The following ASCC3 variants were observed in gnomAD, a reference collection of about 807,000 sequenced individuals.
ASCC3 encodes activating signal cointegrator 1 complex subunit 3, also known as ASC-1 complex subunit P200.
A neutral mutation model predicts 256.3 loss-of-function variants in ASCC3; 158 were observed. That is an observed-to-expected ratio of 0.62 (90% confidence interval 0.54 to 0.70). ASCC3 has a LOEUF of 0.70. ASCC3 is among the 30% of genes least tolerant of loss of function. The pLI is 0.00. For synonymous variants in ASCC3, 948 were observed against 883.4 expected (o/e 1.07, Z -1.30); for missense variants, 2,259 against 2,626.0 (o/e 0.86, Z 3.05).
At chr6:100,858,400 C>A (rs575250685) in intron 3 of ASCC3, 1 of 277,482 alleles carries the variant, frequency 3.6e-6, no homozygotes, top group South Asian at 1.4e-4. Flanking sequence ...TAATTCCGTA[C>A]CTCAGGGAAG....
chr6:100,624,431 G>A (rs240150), intron 30 of ASCC3, among the ~76,000 whole-genome samples: 85,211 of 151,308 alleles, frequency 0.56, 24,581 homozygotes, highest in East Asian at 0.72. Flanking sequence ...ATACATTAAG[G>A]TAAGATAATA....
intron 13 of ASCC3, among the ~76,000 whole-genome samples, chr6:100,711,797 C>A (rs990088537): frequency 2.0e-5 from 3 of 152,070 alleles, no homozygotes; most frequent in Non-Finnish European, 4.4e-5. Flanking sequence ...AGAAATGCCA[C>A]CACAATTAAA....
intron 13 of ASCC3, among the ~76,000 whole-genome samples, chr6:100,695,648 T>G (rs1311087638): frequency 6.6e-6 from 1 of 152,166 alleles, no homozygotes; most frequent in Non-Finnish European, 1.5e-5. Context: ...CTTTCCTTCC[T>G]CAAGGGAGTC....
At chr6:100,551,307 A>C (rs1335342505) in intron 36 of ASCC3, among the ~76,000 whole-genome samples, 1 of 151,942 alleles carries the variant, frequency 6.6e-6, no homozygotes, top group Non-Finnish European at 1.5e-5. Context: ...GACCTTAATC[A>C]AAGATAATCA....
At chr6:100,657,161 A>G (rs1179030865) in intron 16 of ASCC3, among the ~76,000 whole-genome samples, 1 of 151,318 alleles carries the variant, frequency 6.6e-6, no homozygotes, top group Admixed American at 6.6e-5. Flanking sequence ...ATGATATACT[A>G]TTTGTTACTA....
chr6:100,640,805 T>C (rs1357804333), intron 24 of ASCC3, among the ~76,000 whole-genome samples: 1 of 152,164 alleles, frequency 6.6e-6, no homozygotes, highest in African/African-American at 2.4e-5. Flanking sequence ...AGTATCTCTC[T>C]TTAAGATAAG....
At chr6:100,765,932 A>T (rs1781636487) in intron 10 of ASCC3, among the ~76,000 whole-genome samples, 1 of 152,104 alleles carries the variant, frequency 6.6e-6, no homozygotes, top group Non-Finnish European at 1.5e-5. Flanking sequence ...CCACTATTTT[A>T]TTTTTTTAAA....
At chr6:100,557,930 T>C (rs976757249) in intron 36 of ASCC3, among the ~76,000 whole-genome samples, 2 of 151,948 alleles carry the variant, frequency 1.3e-5, no homozygotes, top group Non-Finnish European at 1.5e-5. Context: ...GCTGATAGTG[T>C]ATAGTTAGGT....
intron 32 of ASCC3, 74 bp from the exon 33 acceptor site, chr6:100,605,774 G>A: frequency 1.4e-6 from 2 of 1,479,384 alleles, no homozygotes; most frequent in South Asian, 1.2e-5. Flanking sequence ...ATTATGGCAT[G>A]CTTCTATAAT....
chr6:100,579,083 C>T (rs1238692485), intron 36 of ASCC3, among the ~76,000 whole-genome samples: 4 of 151,692 alleles, frequency 2.6e-5, no homozygotes, highest in East Asian at 1.9e-4. Context: ...TGATTAGTGA[C>T]GTTGAGCACT....
At position 100,611,788 on chromosome 6, in the gene ASCC3, A is replaced by G. The variant is rs898407726; in HGVS notation, c.4786-4700T>C. Among the ~76,000 whole-genome samples the G allele has an allele frequency of 1.2e-4, 18 of 151,994 alleles. No individual in the cohort carries two copies. In the South Asian group the frequency reaches 2.9e-3, roughly 25 times the overall value. On this transcript the variant is annotated intron_variant, in intron 30 of 41. Transcript: ENST00000369162. ...TAGTACTTTTCTAGATGGAGAGGAGACAAGTTTATTTTATACATAAAATGG... is the reference window on the plus strand; with the variant it reads ...TAGTACTTTTCTAGATGGAGAGGAGGCAAGTTTATTTTATACATAAAATGG...
chr6:100,584,487 C>T (rs1187695423), intron 36 of ASCC3, among the ~76,000 whole-genome samples: 7 of 152,022 alleles, frequency 4.6e-5, no homozygotes, highest in African/African-American at 1.2e-4. Context: ...TGTCTCTGCA[C>T]GTGAGATGGG....
rs147159769 is a variant in ASCC3 at position 100,615,657 on chromosome 6, C to T, written c.4786-8569G>A. ...AAAAGTAAACTACTATTATGCTTAG[C>T]AATAATTGATACATTTTGCCTCCTT... On this transcript the variant is annotated intron_variant, in intron 30 of 41. Transcript: ENST00000369162. 6.5e-3 allele frequency among the ~76,000 whole-genome samples: 984 copies of T among 152,266 alleles called. 6 individuals carry two copies. Among genetic ancestry groups the T allele is most frequent in the African/African-American group, 0.023 (952 of 41,548 alleles).
chr6:100,684,514 G>A (rs929924815), intron 13 of ASCC3, among the ~76,000 whole-genome samples: 24 of 152,106 alleles, frequency 1.6e-4, no homozygotes, highest in African/African-American at 5.8e-4. Flanking sequence ...GAGAACCTCT[G>A]TCATAGCTGG....
rs532201197 is a variant in ASCC3, at chr6:100,760,394, A to C, written c.1737+6171T>G. 8.5e-5 allele frequency among the ~76,000 whole-genome samples: 13 copies of C among 152,308 alleles called. No homozygotes were observed. The South Asian group carries it at 2.7e-3, about 32-fold the overall frequency. On this transcript the variant is annotated intron_variant, in intron 10 of 41. Coordinates refer to ENST00000369162, the MANE Select transcript of ASCC3 (RefSeq NM_006828.4). The stretch of plus-strand genomic sequence containing the variant: ...GAATTTTAGCAAAGGCCTTTTCTGC[A>C]TCTATTGAGATAATCGTGTGGTTTA...
chr6:100,585,546 T>C (rs529246941), intron 36 of ASCC3, among the ~76,000 whole-genome samples: 70 of 152,284 alleles, frequency 4.6e-4, no homozygotes, highest in African/African-American at 1.7e-3. Context: ...TAGCTCAGAA[T>C]AGTTTGATCG....
At chr6:100,773,947 T>C (rs1782055008) in intron 8 of ASCC3, among the ~76,000 whole-genome samples, 1 of 152,166 alleles carries the variant, frequency 6.6e-6, no homozygotes, top group Non-Finnish European at 1.5e-5. Context: ...TATTTCTTTG[T>C]TTTTGAAGGT....
Position 100,631,295 on chromosome 6 carries a change from G to A in ASCC3, c.4123-82C>T, listed in dbSNP as rs1774531524. The A allele has an allele frequency of 5.6e-6, 6 of 1,062,366 alleles. No homozygotes were observed. In the East Asian group the frequency reaches 1.4e-4, roughly 26 times the overall value. The allele number at this position is 1,062,366 out of a possible 1,614,324, so 65.8% of individuals were successfully genotyped here. ...AATAAAAGTAAACTCCAAAAAATTT[G>A]TCAAAATATGACAGTGTGGTTTGAA... On this transcript the variant is annotated intron_variant, in intron 25 of 41. Transcript: ENST00000369162.
At chr6:100,636,223 A>G (rs893788975) in intron 25 of ASCC3, among the ~76,000 whole-genome samples, 3 of 152,142 alleles carry the variant, frequency 2.0e-5, no homozygotes, top group African/African-American at 7.2e-5. Context: ...GTATGTGTTC[A>G]CTTCATGCCT....
Sources: allele counts gnomAD v4.1 joint callset (sites outside exome capture counted in the v4.1 genomes callset), GRCh38; gene constraint gnomAD v4.1.1; transcripts MANE v1.5; gene names NCBI Gene and HGNC (gene_info 2026-07-23, HGNC 2026-07-21).